FAM210A: variants seen among roughly 807,000 people sequenced by gnomAD.
FAM210A encodes the protein mitochondrial inner membrane scaffold 1.
Under a neutral mutation model 25.3 loss-of-function variants are expected in FAM210A, and 13 were observed. The observed-to-expected ratio is 0.51, with a 90% CI of 0.33 to 0.82. The LOEUF (loss-of-function observed/expected upper bound fraction) is 0.82. Among genes scored for constraint, FAM210A ranks in the 40% least tolerant of loss-of-function variants. FAM210A has a pLI of 0.02. For missense variants in FAM210A, 319 were observed against 323.2 expected, an observed-to-expected ratio of 0.99 and a Z score of 0.10; for synonymous variants, 125 against 118.7, an observed-to-expected ratio of 1.05 and a Z score of -0.35.
intron 1 of FAM210A, among the ~76,000 whole-genome samples, chr18:13,719,777 T>A (rs1038638503): frequency 2.6e-5 from 4 of 152,128 alleles, no homozygotes; most frequent in Non-Finnish European, 5.9e-5. Flanking sequence ...GGCAAAAAAA[T>A]TCTACAATCA....
rs114166787 is a variant in FAM210A at position 13,688,829 on chromosome 18, C to T, written c.-28-6724G>A. 8.0e-3 allele frequency among the ~76,000 whole-genome samples: 1,213 copies of T among 152,354 alleles called. 21 individuals carry two copies. Among genetic ancestry groups the T allele is most frequent in the African/African-American group, 0.028 (1,161 of 41,574 alleles). The stretch of plus-strand genomic sequence containing the variant: ...GCTACCACATGGCCTGCACGGAGTT[C>T]GCTCCAGCTGGTGCTAAAGCAGCCG... On this transcript the variant is annotated intron_variant, in intron 1 of 3. Transcript: ENST00000651643.
chr18:13,670,291 T>G (rs2043431178), intron 3 of FAM210A, among the ~76,000 whole-genome samples: 1 of 152,230 alleles, frequency 6.6e-6, no homozygotes, highest in Admixed American at 6.5e-5. Flanking sequence ...CATGATAGTT[T>G]GACTTACTCG....
intron 2 of FAM210A, among the ~76,000 whole-genome samples, chr18:13,673,319 A>C (rs2043459585): frequency 6.6e-6 from 1 of 150,784 alleles, no homozygotes; most frequent in Non-Finnish European, 1.5e-5. Flanking sequence ...CCTGATTATT[A>C]ACATTCCTGA....
chr18:13,706,094 G>A (rs2043775979), intron 1 of FAM210A, among the ~76,000 whole-genome samples: 1 of 152,098 alleles, frequency 6.6e-6, no homozygotes. Flanking sequence ...TATCCATACT[G>A]CAGCAAAACT....
intron 1 of FAM210A, among the ~76,000 whole-genome samples, chr18:13,686,151 A>C (rs2043595089): frequency 6.6e-6 from 1 of 152,230 alleles, no homozygotes; most frequent in African/African-American, 2.4e-5. Flanking sequence ...GATATTAAAA[A>C]AGCAATAAAG....
At chr18:13,679,814 GACAGAGCATC>G (rs1369424967) in intron 2 of FAM210A, among the ~76,000 whole-genome samples, 2 of 152,192 alleles carry the variant, frequency 1.3e-5, no homozygotes, top group African/African-American at 4.8e-5. Flanking sequence ...TACAGGGGAT[GACAGAGCATC>G]ACCCACAGCT....
chr18:13,679,774 G>A (rs970854367), intron 2 of FAM210A, among the ~76,000 whole-genome samples: 1 of 152,086 alleles, frequency 6.6e-6, no homozygotes, highest in African/African-American at 2.4e-5. Context: ...AAAAAAGAGG[G>A]AGGAAAATAA....
chr18:13,708,681 C>T (rs2043799265), intron 1 of FAM210A, among the ~76,000 whole-genome samples: 1 of 152,196 alleles, frequency 6.6e-6, no homozygotes, highest in African/African-American at 2.4e-5. Flanking sequence ...CAATTCATTT[C>T]ACTGGTCATG....
At chr18:13,673,779 C>CTTT (rs200977836) in intron 2 of FAM210A, among the ~76,000 whole-genome samples, 2 of 148,042 alleles carry the variant, frequency 1.4e-5, no homozygotes, top group African/African-American at 2.5e-5. Context: ...GCCCCGACTT[C>CTTT]ATTTCCAGTT....
chr18:13,706,045 C>A (rs1011677065), intron 1 of FAM210A, among the ~76,000 whole-genome samples: 2 of 152,186 alleles, frequency 1.3e-5, no homozygotes, highest in Non-Finnish European at 2.9e-5. Context: ...AACCCAAAGA[C>A]TGAATATTCT....
chr18:13,692,390 C>G (rs1014862123), intron 1 of FAM210A, among the ~76,000 whole-genome samples: 6 of 152,194 alleles, frequency 3.9e-5, no homozygotes, highest in African/African-American at 1.4e-4. Context: ...CAGCTCTGCA[C>G]CCACCCAATG....
chr18:13,713,741 C>CACACACACACACACAT (rs2043839451), intron 1 of FAM210A, among the ~76,000 whole-genome samples: 1 of 151,910 alleles, frequency 6.6e-6, no homozygotes, highest in Admixed American at 6.6e-5. Flanking sequence ...CACACACACA[C>CACACACACACACACAT]ACACACACAC....
At chr18:13,687,367 G>C (rs1168798343) in intron 1 of FAM210A, among the ~76,000 whole-genome samples, 4 of 152,114 alleles carry the variant, frequency 2.6e-5, no homozygotes, top group Non-Finnish European at 5.9e-5. Flanking sequence ...TGGCAGCAGG[G>C]GCCAGAGAGA....
rs184212901 is a variant in FAM210A, at chr18:13,673,015, T to A, written c.474-1042A>T. On this transcript the variant is annotated intron_variant, in intron 2 of 3. Transcript: ENST00000651643. ...GAGACCCGACTTCTTTTATTTCCAG[T>A]TTCCTGATTATTAACATTCCTGAGC... Among the ~76,000 whole-genome samples, 161 of 152,276 alleles carry A rather than the reference T, an allele frequency of 1.1e-3. 2 individuals carry two copies. In the East Asian group the frequency reaches 0.021, roughly 20 times the overall value.
At position 13,670,425 on chromosome 18, in the gene FAM210A, C is replaced by G. The variant is rs796525532; in HGVS notation, c.585+1437G>C. ...TCAAAATTATAATAAAAGAGGAAAT[C>G]TACCAAGATTTCAGAGGATGCTAAT... On this transcript the variant is annotated intron_variant, in intron 3 of 3. Coordinates refer to ENST00000651643, the MANE Select transcript of FAM210A (RefSeq NM_152352.4). 6.7e-4 allele frequency among the ~76,000 whole-genome samples: 102 copies of G among 152,236 alleles called. 1 individual carries two copies. Among genetic ancestry groups the G allele is most frequent in the African/African-American group, 2.3e-3 (97 of 41,538 alleles).
In FAM210A at chr18:13,666,672, T is replaced by C. The variant is rs1288392966; in HGVS notation, c.627A>G (p.Thr209=). The part of the protein sequence containing the change: ...PARYTVTLGG[T]SVTVKYLRSH... Reference sequence around the variant, plus strand: ...TGCGCAGATACTTCACAGTGACAGATGTTCCTCCCAAAGTCACGGTATACC... The same window carrying C: ...TGCGCAGATACTTCACAGTGACAGACGTTCCTCCCAAAGTCACGGTATACC... The change falls in exon 4 of 4, where the codon ACA becomes ACG. Residue 209 remains threonine, a synonymous_variant. Coordinates refer to ENST00000651643, the MANE Select transcript of FAM210A (RefSeq NM_152352.4). 4 of 1,614,164 alleles carry C rather than the reference T, an allele frequency of 2.5e-6. No individual in the cohort carries two copies. Among genetic ancestry groups the C allele is most frequent in the African/African-American group, 2.7e-5 (2 of 75,066 alleles).
rs1368290177 is a variant in FAM210A at position 13,676,266 on chromosome 18, T to G, written c.474-4293A>C. 2.5e-5 allele frequency among the ~76,000 whole-genome samples: 3 copies of G among 121,730 alleles called. No individual in the cohort carries two copies. The South Asian group carries it at 8.1e-4, about 33-fold the overall frequency. The allele number at this position is 121,730 out of a possible 152,430, so 79.9% of individuals were successfully genotyped here. A position where few individuals can be genotyped will look rare whatever the true frequency, so the allele number is the denominator to read the frequency against. ...TAACATTCCTGAGCCCTGGCTTCTT[T>G]ATTTCCAGTTTCCTGATTATTAACA... On this transcript the variant is annotated intron_variant, in intron 2 of 3. Coordinates refer to ENST00000651643, the MANE Select transcript of FAM210A (RefSeq NM_152352.4).
intron 1 of FAM210A, among the ~76,000 whole-genome samples, chr18:13,691,555 C>A (rs1166137306): frequency 6.6e-6 from 1 of 152,130 alleles, no homozygotes; most frequent in African/African-American, 2.4e-5. Flanking sequence ...AACAGCTGAT[C>A]TCTCAGCAGA....
At chr18:13,711,226 C>A (rs1194591117) in intron 1 of FAM210A, among the ~76,000 whole-genome samples, 1 of 152,072 alleles carries the variant, frequency 6.6e-6, no homozygotes, top group Non-Finnish European at 1.5e-5. Flanking sequence ...CAAAAATTAG[C>A]CGGGCATCGT....
Sources: gnomAD v4.1 joint callset for allele counts (sites outside exome capture counted in the v4.1 genomes callset) on GRCh38, gnomAD v4.1.1 for gene constraint, MANE v1.5 for transcripts, NCBI Gene and HGNC (gene_info 2026-07-23, HGNC 2026-07-21) for gene names.